Variants in THSD7A observed in about 807,000 individuals in gnomAD.
The protein encoded by THSD7A is thrombospondin type 1 domain containing 7A.
In THSD7A, 96 loss-of-function variants were observed where a neutral mutation model predicts 231.3. That is an observed-to-expected ratio of 0.41 (90% CI 0.35 to 0.49). The LOEUF is 0.49. Ranked by LOEUF, THSD7A falls within the 20% of genes least tolerant of loss-of-function variation. The pLI, the probability that THSD7A is intolerant of heterozygous loss-of-function variation, is 0.05. For missense variants in THSD7A, 2,290 were observed against 2,070.2 expected (o/e 1.11, Z -2.06); for synonymous variants, 940 against 743.3 (o/e 1.26, Z -4.30).
intron 1 of THSD7A, among the ~76,000 whole-genome samples, chr7:11,673,757 A>G (rs1439670406): frequency 6.6e-6 from 1 of 152,132 alleles, no homozygotes; most frequent in Non-Finnish European, 1.5e-5. Flanking sequence ...CTTCTCCTCC[A>G]GGAGTCCCAC....
intron 4 of THSD7A, among the ~76,000 whole-genome samples, chr7:11,570,181 G>GAAAGAAAAGA (rs78432203): frequency 6.6e-6 from 1 of 151,620 alleles, no homozygotes; most frequent in Non-Finnish European, 1.5e-5. Context: ...AAGAAAAAAA[G>GAAAGAAAAGA]AAAGAAAAGA....
rs546806951 is a variant in THSD7A, at chr7:11,655,719, C to T, written c.191-18758G>A. Among the ~76,000 whole-genome samples the T allele has an allele frequency of 2.6e-5, 4 of 151,980 alleles. No homozygotes were observed. In the East Asian group the frequency reaches 5.8e-4, roughly 22 times the overall value. ...TTTTTGAAATAAAAAAGACAAATGA[C>T]CTCATATCCATTTCAATATGGTAAG... On this transcript the variant is annotated intron_variant, in intron 1 of 27. Coordinates refer to ENST00000423059, the MANE Select transcript of THSD7A (RefSeq NM_015204.3).
intron 1 of THSD7A, among the ~76,000 whole-genome samples, chr7:11,818,949 G>C (rs2128186417): frequency 6.6e-6 from 1 of 152,144 alleles, no homozygotes. Context: ...AATATGTGCA[G>C]CACACTCTGG....
At chr7:11,526,780 G>C (rs1788493476) in intron 6 of THSD7A, among the ~76,000 whole-genome samples, 1 of 152,026 alleles carries the variant, frequency 6.6e-6, no homozygotes, top group African/African-American at 2.4e-5. Context: ...AATTTTCTGA[G>C]TGAGGCCTCT....
intron 14 of THSD7A, 112 bp downstream of exon 14, chr7:11,428,835 A>G: frequency 1.6e-6 from 2 of 1,266,768 alleles, no homozygotes; most frequent in Non-Finnish European, 2.2e-6. Context: ...AATGGTAAAA[A>G]TGGGTCAATT....
chr7:11,546,195 G>GGCGTGTGTGTGTGCGCGCGC (rs752700561), intron 4 of THSD7A, among the ~76,000 whole-genome samples: 2,577 of 78,686 alleles, frequency 0.033, 79 homozygotes, highest in African/African-American at 0.12. Context: ...TGCTGGTGTG[G>GGCGTGTGTGTGTGCGCGCGC]GCGCGCGCTC....
At chr7:11,652,085 T>C (rs1782527743) in intron 1 of THSD7A, among the ~76,000 whole-genome samples, 1 of 151,988 alleles carries the variant, frequency 6.6e-6, no homozygotes, top group African/African-American at 2.4e-5. Context: ...GGTTAACAAA[T>C]GTGTCCATGG....
rs1782588215 is a variant in THSD7A, at chr7:11,383,111, C to T, written c.4412-495G>A. 3.3e-5 allele frequency among the ~76,000 whole-genome samples: 5 copies of T among 151,800 alleles called. No individual in the cohort carries two copies. In the South Asian group the frequency reaches 1.0e-3, roughly 31 times the overall value. The stretch of plus-strand genomic sequence containing the variant: ...TTCTGAAGATGTATGACTTTCTTTG[C>T]CATGCTTTTAATTTTTTCACTATAC... On this transcript the variant is annotated intron_variant, in intron 23 of 27. Coordinates refer to ENST00000423059, the MANE Select transcript of THSD7A (RefSeq NM_015204.3).
chr7:11,527,534 C>A (rs981870491), intron 6 of THSD7A, among the ~76,000 whole-genome samples: 1 of 152,136 alleles, frequency 6.6e-6, no homozygotes, highest in Non-Finnish European at 1.5e-5. Flanking sequence ...CTAGAAGAAT[C>A]CTCTTCCAAC....
At chr7:11,615,159 C>G (rs1014076066) in intron 2 of THSD7A, among the ~76,000 whole-genome samples, 1 of 152,132 alleles carries the variant, frequency 6.6e-6, no homozygotes, top group African/African-American at 2.4e-5. Flanking sequence ...GTGGCCTAAG[C>G]TTCATAAGGT....
chr7:11,587,587 A>T (rs1363109573), intron 4 of THSD7A, among the ~76,000 whole-genome samples: 1 of 152,224 alleles, frequency 6.6e-6, no homozygotes, highest in African/African-American at 2.4e-5. Flanking sequence ...ATAGCATACT[A>T]AATTGTGAAT....
rs938455962 is a variant in THSD7A, at chr7:11,417,699, G to A, written c.3384-96C>T. On this transcript the variant is annotated intron_variant, in intron 16 of 27. Transcript: ENST00000423059. ...GAATGACCAACCCACAGGACAGATG[G>A]TTCTCCTTAAGACATCGTTATGGGG... 9.7e-5 allele frequency: 127 copies of A among 1,302,850 alleles called. No homozygotes were observed. The East Asian group carries it at 3.1e-3, about 32-fold the overall frequency. 80.7% of individuals were successfully genotyped at this position (1,302,850 alleles called of 1,614,324 possible).
At chr7:11,711,722 A>C (rs1365763113) in intron 1 of THSD7A, among the ~76,000 whole-genome samples, 1 of 151,138 alleles carries the variant, frequency 6.6e-6, no homozygotes. Context: ...ACTTCATAGA[A>C]AACACACACC....
intron 22 of THSD7A, among the ~76,000 whole-genome samples, chr7:11,403,925 C>T (rs1324762986): frequency 2.0e-5 from 3 of 152,120 alleles, no homozygotes; most frequent in African/African-American, 4.8e-5. Flanking sequence ...GTATTCTACT[C>T]TTTAAAGCTT....
intron 1 of THSD7A, among the ~76,000 whole-genome samples, chr7:11,796,839 A>G (rs943482320): frequency 6.6e-6 from 1 of 152,020 alleles, no homozygotes. Context: ...TTAGTCATTT[A>G]CTATCCTATG....
chr7:11,434,941 T>C (rs549527294), intron 13 of THSD7A, among the ~76,000 whole-genome samples: 1 of 152,120 alleles, frequency 6.6e-6, no homozygotes, highest in Admixed American at 6.6e-5. Flanking sequence ...TATAAATCAA[T>C]ATTAGGCAAT....
intron 1 of THSD7A, among the ~76,000 whole-genome samples, chr7:11,786,034 C>T (rs548293327): frequency 4.7e-4 from 72 of 151,992 alleles, no homozygotes; most frequent in African/African-American, 1.7e-3. Context: ...TAACCCATTT[C>T]TTCCTCCCTT....
intron 16 of THSD7A, among the ~76,000 whole-genome samples, chr7:11,421,717 T>C (rs890586350): frequency 2.4e-4 from 36 of 152,182 alleles, no homozygotes; most frequent in African/African-American, 7.7e-4. Context: ...AAGCAAACTT[T>C]ACCTATTTGT....
In THSD7A at chr7:11,389,421, C is replaced by CTTTTTTTTTTTTTTTTTT. The variant is rs57755425; in HGVS notation, c.4412-6823_4412-6806dup. ...TCAGAGACTAGAATTGCAACTCCTG[C>CTTTTTTTTTTTTTTTTTT]TTTTTTTTTTTTTTTTTTTTTTTTT... On this transcript the variant is annotated intron_variant, in intron 23 of 27. Transcript: ENST00000423059. Among the ~76,000 whole-genome samples, 3 of 37,588 alleles carry CTTTTTTTTTTTTTTTTTT rather than the reference C, an allele frequency of 8.0e-5. 1 individual carries two copies. The highest frequency in any genetic ancestry group is 1.4e-4 in the Non-Finnish European group (3 of 20,700). 24.7% of individuals were successfully genotyped at this position (37,588 alleles called of 152,430 possible).
Sources: allele counts gnomAD v4.1 joint callset (sites outside exome capture counted in the v4.1 genomes callset), GRCh38; gene constraint gnomAD v4.1.1; transcripts MANE v1.5; gene names NCBI Gene and HGNC (gene_info 2026-07-23, HGNC 2026-07-21).